LRRC43: variants seen among roughly 807,000 people sequenced by gnomAD.
The protein encoded by LRRC43 is leucine-rich repeat-containing protein 43.
Under a neutral mutation model 64.3 loss-of-function variants are expected in LRRC43, and 62 were observed. The ratio of observed to expected loss-of-function variants is 0.96; its 90% CI spans 0.79 to 1.19. The LOEUF (loss-of-function observed/expected upper bound fraction) is 1.19. LRRC43 is among the 50% of genes most tolerant of loss of function. LRRC43 has a pLI of 0.00. For missense variants in LRRC43, 868 were observed against 845.0 expected, an observed-to-expected ratio of 1.03 and a Z score of -0.34; for synonymous variants, 422 against 382.3, an observed-to-expected ratio of 1.10 and a Z score of -1.21.
chr12:122,174,667 C>T (rs540431005), intron 1 of LRRC43, among the ~76,000 whole-genome samples: 6 of 152,154 alleles, frequency 3.9e-5, no homozygotes, highest in East Asian at 1.9e-4. Flanking sequence ...ATGCCCACGC[C>T]GGTGTGCAGG....
At chr12:122,189,399 T>G (rs1322193045) in intron 4 of LRRC43, 2 of 456,516 alleles carry the variant, frequency 4.4e-6, no homozygotes, top group East Asian at 1.4e-4. Flanking sequence ...TCCCCTTCTC[T>G]TCTGCTCTTA....
chr12:122,183,210 C>G lies in LRRC43; in HGVS notation c.66C>G (p.Pro22=). 1 of 1,561,186 alleles carries G rather than the reference C, an allele frequency of 6.4e-7. No individual in the cohort carries two copies. Among genetic ancestry groups the G allele is most frequent in the South Asian group, 1.2e-5 (1 of 86,266 alleles). Residue 22 remains proline, a synonymous_variant, in exon 1 of 12, where the codon CCC becomes CCG. Transcript: ENST00000339777. The stretch of plus-strand genomic sequence containing the variant: ...AGGCCGGGCCTGGGACTCAGCGGCC[C>G]GGGACCGGGACCGTGAGCGCGGCCG... ...ESEAGPGTQR[P]GTGTVSAAVR...
At chr12:122,191,250 A>G (rs1953714362) in intron 5 of LRRC43, 130 bp from the exon 6 acceptor site, 12 of 719,150 alleles carry the variant, frequency 1.7e-5, no homozygotes, top group South Asian at 1.6e-4. Context: ...CATGAACCTG[A>G]CCGCCCCACC....
At chr12:122,188,781 G>T (rs1037411960) in intron 4 of LRRC43, among the ~76,000 whole-genome samples, 1 of 152,162 alleles carries the variant, frequency 6.6e-6, no homozygotes, top group Non-Finnish European at 1.5e-5. Context: ...CCTTGGGCTC[G>T]TTGGCATCGG....
chr12:122,202,774 G>A (rs895409475), intron 11 of LRRC43, among the ~76,000 whole-genome samples: 1 of 152,212 alleles, frequency 6.6e-6, no homozygotes, highest in Non-Finnish European at 1.5e-5. Flanking sequence ...TTCCCCTGAA[G>A]TGCTATAATT....
intron 1 of LRRC43, among the ~76,000 whole-genome samples, chr12:122,168,811 C>T (rs981743393): frequency 4.6e-5 from 7 of 152,104 alleles, no homozygotes; most frequent in African/African-American, 1.7e-4. Context: ...AGAGTCAGTC[C>T]AAGTTCCCAC....
In LRRC43 at chr12:122,190,169, G is replaced by C. The variant is rs369912763; in HGVS notation, c.702G>C (p.Leu234=). ...LVSLDLGFND[L]TDLQSMVTSL... ...CCCTGGACCTGGGCTTCAACGACCT[G>C]ACAGACCTGCAGAGCATGGTCACCA... Residue 234 remains leucine (L), a synonymous_variant, in exon 5 of 12, where the codon CTG becomes CTC. Transcript: ENST00000339777. 6.2e-7 allele frequency: 1 copy of C among 1,614,132 alleles called. No individual in the cohort carries two copies. Among genetic ancestry groups the C allele is most frequent in the Non-Finnish European group, 8.5e-7 (1 of 1,180,024 alleles).
upstream of LRRC43, among the ~76,000 whole-genome samples, chr12:122,182,409 C>G (rs1278125162): frequency 6.6e-6 from 1 of 150,734 alleles, no homozygotes; most frequent in Non-Finnish European, 1.5e-5. Context: ...GTAATCCCAG[C>G]TACTCGGGAG....
intron 7 of LRRC43, among the ~76,000 whole-genome samples, chr12:122,194,778 C>A (rs1953758538): frequency 6.6e-6 from 1 of 151,988 alleles, no homozygotes; most frequent in Non-Finnish European, 1.5e-5. Flanking sequence ...GGCTTGGTGT[C>A]ATTTTCTTGC....
Position 122,193,329 on chromosome 12 carries a change from C to T in LRRC43, c.1349+325C>T, listed in dbSNP as rs538366596. ...CCAGGAGGCGGGGCTTGCAGTGAGC[C>T]GAGATCGTGCCACTGCGCTCCAGCC... On this transcript the variant is annotated intron_variant, in intron 7 of 11. Coordinates refer to ENST00000339777, the MANE Select transcript of LRRC43 (RefSeq NM_001098519.2). Among the ~76,000 whole-genome samples the T allele has an allele frequency of 1.8e-4, 25 of 140,806 alleles. 1 individual carries two copies. The highest frequency in any genetic ancestry group is 4.8e-4 in the African/African-American group (18 of 37,172). 92.4% of individuals were successfully genotyped at this position (140,806 alleles called of 152,430 possible).
chr12:122,172,755 A>G, intron 1 of LRRC43: 1 of 1,584,936 alleles, frequency 6.3e-7, no homozygotes, highest in Non-Finnish European at 8.6e-7. Flanking sequence ...TGGAATGAGG[A>G]GAAATGGTCA....
intron 3 of LRRC43, 116 bp downstream of exon 3, chr12:122,186,416 C>A: frequency 1.5e-6 from 1 of 652,344 alleles, no homozygotes; most frequent in South Asian, 1.8e-5. Context: ...CAGCTCCAGG[C>A]TTTTAAAATG....
At chr12:122,199,185 GA>G (rs1248665837) in intron 7 of LRRC43, among the ~76,000 whole-genome samples, 2 of 151,644 alleles carry the variant, frequency 1.3e-5, no homozygotes, top group Non-Finnish European at 2.9e-5. Context: ...TCCTGAGTGG[GA>G]TGCTGCTTCA....
Position 122,184,733 on chromosome 12 carries a change from C to T in LRRC43, c.365C>T (p.Thr122Ile). The T allele has an allele frequency of 2.5e-6, 4 of 1,612,936 alleles. No individual in the cohort carries two copies. The highest frequency in any genetic ancestry group is 3.4e-6 in the Non-Finnish European group (4 of 1,179,440). Residue 122 changes from threonine to isoleucine, a missense_variant, in exon 2 of 12, where the codon ACC (threonine) becomes ATC (isoleucine). Coordinates refer to ENST00000339777, the MANE Select transcript of LRRC43 (RefSeq NM_001098519.2). The surrounding 1 kb of genome is among the most constrained non-coding windows in gnomAD (Gnocchi z 4.0). The part of the protein sequence containing the change: ...AIRNPLTITD[T>I]FFYSYFRSLR... ...CGGAACCCGCTGACGATCACAGACA[C>T]CTTCTTCTACTCCTACTTCCGGTCC... is the stretch of plus-strand genomic sequence containing the variant.
At chr12:122,188,268 G>A (rs1411133920) in intron 4 of LRRC43, among the ~76,000 whole-genome samples, 9 of 151,816 alleles carry the variant, frequency 5.9e-5, no homozygotes, top group Non-Finnish European at 8.8e-5. Context: ...CACCATGCCC[G>A]GCTAATTATT....
At chr12:122,170,071 T>C (rs867200965) in intron 1 of LRRC43, among the ~76,000 whole-genome samples, 1 of 152,138 alleles carries the variant, frequency 6.6e-6, no homozygotes, top group South Asian at 2.1e-4. Flanking sequence ...CCTCCCAAAG[T>C]GCTGGGATTA....
intron 1 of LRRC43, among the ~76,000 whole-genome samples, chr12:122,171,584 A>G (rs12306454): frequency 0.012 from 1,779 of 151,868 alleles, 39 homozygotes; most frequent in African/African-American, 0.041. Context: ...CTGGTCCGAA[A>G]CTCTGGCCCC....
chr12:122,195,677 C>G (rs1258554610), intron 7 of LRRC43, among the ~76,000 whole-genome samples: 1 of 152,152 alleles, frequency 6.6e-6, no homozygotes, highest in Non-Finnish European at 1.5e-5. Context: ...AGGATTTTCA[C>G]TTTGTCTTTC....
rs1953700755 is a variant in LRRC43, at chr12:122,190,241, C to G, written c.774C>G (p.Asn258Lys). 6.2e-7 allele frequency: 1 copy of G among 1,614,048 alleles called. No homozygotes were observed. Among genetic ancestry groups the G allele is most frequent in the African/African-American group, 1.3e-5 (1 of 74,926 alleles). Residue 258 changes from asparagine (N) to lysine (K), a missense_variant, in exon 5 of 12, where the codon AAC (asparagine) becomes AAG (lysine). By Grantham distance (94) the Asn-to-Lys change is moderately conservative. Transcript: ENST00000339777. ...RHLRLLVLQGNPLALVPYYRG... is the reference protein window; with the variant it reads ...RHLRLLVLQGKPLALVPYYRG... Reference sequence around the variant, plus strand: ...TGCGACTCCTGGTGCTGCAGGGAAACCCACTGGCCTTGGTGCCCTACTACC... The same window carrying G: ...TGCGACTCCTGGTGCTGCAGGGAAAGCCACTGGCCTTGGTGCCCTACTACC...
Sources: gnomAD v4.1 joint callset for allele counts (sites outside exome capture counted in the v4.1 genomes callset) on GRCh38, gnomAD v4.1.1 for gene constraint, Gnocchi (gnomAD v3.1) non-coding constraint, MANE v1.5 for transcripts, NCBI Gene and HGNC (gene_info 2026-07-23, HGNC 2026-07-21) for gene names.